Variants in USP24 observed in about 807,000 individuals in gnomAD.
The protein encoded by USP24 is ubiquitin specific peptidase 24, also known as ubiquitin carboxyl-terminal hydrolase 24.
USP24 carries 97 observed loss-of-function variants against 361.6 expected under a neutral mutation model. That is an observed-to-expected ratio of 0.27 (90% CI 0.23 to 0.32). USP24 has a LOEUF of 0.32. Ranked by LOEUF, USP24 falls within the 10% of genes least tolerant of loss-of-function variation. The probability of loss-of-function intolerance (pLI) is 1.00; values close to 1 mark genes in which losing one functional copy is unlikely to be tolerated. For missense variants in USP24, 2,353 were observed against 3,165.6 expected (o/e 0.74, Z 6.16); for synonymous variants, 1,098 against 1,124.6 (o/e 0.98, Z 0.47).
At chr1:55,072,690 GGTCA>G (rs1288356575) in intron 65 of USP24, 92 bp downstream of exon 65, 2 of 1,200,590 alleles carry the variant, frequency 1.7e-6, no homozygotes, top group Non-Finnish European at 2.3e-6. Context: ...AACACTTTAA[GGTCA>G]GTCTCCATAT....
At chr1:55,200,863 T>C (rs989500234) in intron 1 of USP24, among the ~76,000 whole-genome samples, 6 of 152,246 alleles carry the variant, frequency 3.9e-5, no homozygotes, top group African/African-American at 1.4e-4. Context: ...AAGGGTTTGT[T>C]TCTTTTAGCA....
At chr1:55,159,585 C>T (rs1219545731) in intron 9 of USP24, 26 bp downstream of exon 9, 1 of 1,549,582 alleles carries the variant, frequency 6.5e-7, no homozygotes, top group Non-Finnish European at 8.7e-7. Context: ...GGCACTGGGG[C>T]CTATCTGGCT....
At chr1:55,129,948 A>AT (rs1646543811) in intron 31 of USP24, among the ~76,000 whole-genome samples, 1 of 152,220 alleles carries the variant, frequency 6.6e-6, no homozygotes, top group African/African-American at 2.4e-5. Context: ...AAAATGCAAG[A>AT]TGAGTTTCCC....
intron 63 of USP24, 75 bp downstream of exon 63, chr1:55,075,382 G>A: frequency 7.2e-7 from 1 of 1,386,262 alleles, no homozygotes; most frequent in African/African-American, 1.4e-5. Flanking sequence ...AGTAGCAGGA[G>A]GCAGAACTGG....
At chr1:55,071,020 T>TGGGCTAA in intron 67 of USP24, 1 of 518,696 alleles carries the variant, frequency 1.9e-6, no homozygotes, top group Non-Finnish European at 2.5e-6. Context: ...GGAGTGACCT[T>TGGGCTAA]GGGCTAAGTC....
chr1:55,133,936 G>T, intron 30 of USP24, 134 bp downstream of exon 30: 1 of 858,362 alleles, frequency 1.2e-6, no homozygotes, highest in Non-Finnish European at 1.8e-6. Context: ...CTGGGCTGGT[G>T]AAGGTATTTT....
intron 16 of USP24, among the ~76,000 whole-genome samples, chr1:55,150,949 G>C (rs917074804): frequency 6.6e-6 from 1 of 152,214 alleles, no homozygotes; most frequent in Non-Finnish European, 1.5e-5. Flanking sequence ...TTAGAGGTCA[G>C]TTGGTTTAGC....
Position 55,158,975 on chromosome 1 carries a change from G to C in USP24, c.1130C>G (p.Pro377Arg). The C allele has an allele frequency of 6.3e-7, 1 of 1,593,986 alleles. No homozygotes were observed. The highest frequency in any genetic ancestry group is 8.6e-7 in the Non-Finnish European group (1 of 1,168,334). Residue 377 changes from proline (P) to arginine (R), a missense_variant, in exon 10 of 68, where the codon CCG (proline) becomes CGG (arginine). Around this residue, in one of 8 missense-constraint regions of USP24, gnomAD observed 386 missense variants for 560.5 expected, o/e 0.69. Transcript: ENST00000294383. Reference protein sequence around the residue: ...AVKLLCMRFQPDLVTIVDDLR... With the variant: ...AVKLLCMRFQRDLVTIVDDLR... ...GTCATCCACAATTGTCACCAGATCC[G>C]GTTGGAAGCGCATGCAAAGTAACTT...
chr1:55,124,419 TG>T (rs1646367875), intron 35 of USP24, 49 bp downstream of exon 35: 7 of 1,558,276 alleles, frequency 4.5e-6, no homozygotes, highest in Non-Finnish European at 5.2e-6. Context: ...AGAATTCTTA[TG>T]GTTATTTCTT....
chr1:55,119,005 G>C (rs1394375915), intron 38 of USP24, among the ~76,000 whole-genome samples: 1 of 152,204 alleles, frequency 6.6e-6, no homozygotes, highest in African/African-American at 2.4e-5. Flanking sequence ...GTGGAAAACA[G>C]TATGGTGGTT....
At position 55,215,274 on chromosome 1, in the gene USP24, G is replaced by A. The variant is rs1324667161; in HGVS notation, c.-161C>T. 6.6e-6 allele frequency among the ~76,000 whole-genome samples: 1 copy of A among 151,740 alleles called. No individual in the cohort carries two copies. The highest frequency in any genetic ancestry group is 1.5e-5 in the Non-Finnish European group (1 of 67,900). On this transcript the variant is annotated 5_prime_UTR_variant, in exon 1 of 68. Transcript: ENST00000294383. Reference sequence around the variant, plus strand: ...AGCAGCCGGGCCAGGCTGGGTGCGGGCTTGGGTCCTGCGAGCCGAGCTAGT... The same window carrying A: ...AGCAGCCGGGCCAGGCTGGGTGCGGACTTGGGTCCTGCGAGCCGAGCTAGT...
chr1:55,107,192 C>T (rs1243204768), intron 40 of USP24, 47 bp downstream of exon 40: 1 of 1,572,872 alleles, frequency 6.4e-7, no homozygotes, highest in Non-Finnish European at 8.6e-7. Context: ...CTGGCAATAA[C>T]CGAGCACTGA....
At chr1:55,209,227 T>A (rs989244306) in intron 1 of USP24, among the ~76,000 whole-genome samples, 13 of 152,188 alleles carry the variant, frequency 8.5e-5, no homozygotes, top group African/African-American at 2.9e-4. Flanking sequence ...ATTTTCCAGG[T>A]GTCTGAAGCC....
intron 12 of USP24, among the ~76,000 whole-genome samples, chr1:55,155,012 GA>G (rs1317141460): frequency 0.011 from 1,587 of 142,014 alleles, 68 homozygotes; most frequent in Admixed American, 0.082. Context: ...AACCGACAAT[GA>G]AAAAAAAAAA....
At chr1:55,102,008 G>T (rs1645647792) in intron 42 of USP24, among the ~76,000 whole-genome samples, 1 of 152,042 alleles carries the variant, frequency 6.6e-6, no homozygotes, top group Non-Finnish European at 1.5e-5. Context: ...CCTTCTATCT[G>T]CCAGGCACTG....
At chr1:55,092,329 A>G (rs1456592698) in intron 53 of USP24, among the ~76,000 whole-genome samples, 1 of 152,248 alleles carries the variant, frequency 6.6e-6, no homozygotes, top group East Asian at 1.9e-4. Context: ...AAGAAAAGAC[A>G]TTGTCTTCAT....
chr1:55,137,686 CA>C lies in USP24; in HGVS notation c.3029del (p.Leu1010ArgfsTer3). On this transcript the variant is annotated frameshift_variant and splice_region_variant, in exon 28 of 68. Transcript: ENST00000294383. LOFTEE classifies it high-confidence loss of function. ...GTAGCTTTTGATCTTTATTCACTGTCAGCTGCAAAAAGTGGTTTCTTAATTA... is the reference window on the plus strand; with the variant it reads ...GTAGCTTTTGATCTTTATTCACTGTCGCTGCAAAAAGTGGTTTCTTAATTA... ...NIQIFTNDSL[L>X]TVNKDQKLLH... 6.2e-7 allele frequency: 1 copy of C among 1,608,010 alleles called. No individual in the cohort carries two copies. Among genetic ancestry groups the C allele is most frequent in the Non-Finnish European group, 8.5e-7 (1 of 1,177,736 alleles).
chr1:55,148,572 T>C lies in USP24; in HGVS notation c.1861-2A>G. ...CTGGGGATTATTAAGCTGAGATGAC[T>C]AGAGTTAAAAAGAAGTTACATTAAT... is the stretch of plus-strand genomic sequence containing the variant. On this transcript the variant is annotated splice_acceptor_variant, in intron 16 of 67. Coordinates refer to ENST00000294383, the MANE Select transcript of USP24 (RefSeq NM_015306.3). LOFTEE classifies it high-confidence loss of function. 1 of 1,557,612 alleles carries C rather than the reference T, an allele frequency of 6.4e-7. No homozygotes were observed.
At chr1:55,167,182 T>C (rs1443807885) in intron 5 of USP24, among the ~76,000 whole-genome samples, 3 of 152,096 alleles carry the variant, frequency 2.0e-5, no homozygotes, top group Non-Finnish European at 4.4e-5. Flanking sequence ...ACAATTCAAA[T>C]TGTGCTAAGT....
Sources: gnomAD v4.1 joint callset for allele counts (sites outside exome capture counted in the v4.1 genomes callset) on GRCh38, gnomAD v4.1.1 for gene constraint, gnomAD v4.1.1 regional missense constraint, MANE v1.5 for transcripts, NCBI Gene and HGNC (gene_info 2026-07-23, HGNC 2026-07-21) for gene names.